MINDY3: variants seen among roughly 807,000 people sequenced by gnomAD.
MINDY3 encodes the protein ubiquitin carboxyl-terminal hydrolase MINDY-3.
A neutral mutation model predicts 69.2 loss-of-function variants in MINDY3; 38 were observed. The ratio of observed to expected loss-of-function variants is 0.55; its 90% CI spans 0.42 to 0.72. The LOEUF is 0.72. Ranked by LOEUF, MINDY3 falls within the 30% of genes least tolerant of loss-of-function variation. MINDY3 has a pLI of 0.00. For synonymous variants in MINDY3, 192 were observed against 180.1 expected (o/e 1.07, Z -0.53); for missense variants, 522 against 519.0 (o/e 1.01, Z -0.06).
At chr10:15,786,450 A>G (rs1242330182) in intron 13 of MINDY3, 111 bp downstream of exon 13, 6 of 707,284 alleles carry the variant, frequency 8.5e-6, no homozygotes, top group Non-Finnish European at 1.5e-5. Context: ...GTGTTTTCTC[A>G]GTCTCATATC....
intron 13 of MINDY3, among the ~76,000 whole-genome samples, chr10:15,784,903 C>T (rs138294411): frequency 9.2e-5 from 14 of 151,904 alleles, no homozygotes; most frequent in African/African-American, 3.4e-4. Flanking sequence ...TCTATGACAC[C>T]GAGGGCGTCT....
chr10:15,788,188 T>C (rs1006000829), intron 12 of MINDY3, among the ~76,000 whole-genome samples: 2 of 152,142 alleles, frequency 1.3e-5, no homozygotes, highest in African/African-American at 4.8e-5. Context: ...TGGTCTCTAC[T>C]TGGAAATAAA....
chr10:15,796,428 A>G (rs892760096), intron 10 of MINDY3, among the ~76,000 whole-genome samples: 25 of 151,834 alleles, frequency 1.6e-4, no homozygotes, highest in African/African-American at 5.8e-4. Context: ...TACTTAAAAC[A>G]CTGGGGAAAA....
intron 2 of MINDY3, among the ~76,000 whole-genome samples, chr10:15,846,976 G>C (rs1171970739): frequency 1.3e-5 from 2 of 152,086 alleles, no homozygotes; most frequent in Non-Finnish European, 2.9e-5. Flanking sequence ...ACCCACCTTG[G>C]CCTCCCAAAG....
chr10:15,800,702 T>A (rs116957342), intron 10 of MINDY3, among the ~76,000 whole-genome samples: 30 of 152,102 alleles, frequency 2.0e-4, no homozygotes, highest in Non-Finnish European at 3.5e-4. Context: ...ATATGCACCA[T>A]GGATTGAGGT....
chr10:15,781,401 T>TTTTA (rs1554797738), intron 14 of MINDY3, among the ~76,000 whole-genome samples: 17 of 145,758 alleles, frequency 1.2e-4, no homozygotes, highest in African/African-American at 4.2e-4. Flanking sequence ...TACATATATA[T>TTTTA]TATATATATA....
intron 10 of MINDY3, among the ~76,000 whole-genome samples, chr10:15,796,536 A>AT (rs983696743): frequency 4.0e-5 from 6 of 151,632 alleles, no homozygotes; most frequent in South Asian, 4.2e-4. Context: ...TTTTTTCCAC[A>AT]TTTTTTTGTT....
At chr10:15,799,575 A>G (rs570457092) in intron 10 of MINDY3, among the ~76,000 whole-genome samples, 59 of 152,282 alleles carry the variant, frequency 3.9e-4, no homozygotes, top group South Asian at 3.7e-3. Context: ...CAGATTTTAC[A>G]AAGAATATAT....
At chr10:15,803,536 T>C (rs942742292) in intron 10 of MINDY3, among the ~76,000 whole-genome samples, 1 of 152,096 alleles carries the variant, frequency 6.6e-6, no homozygotes, top group Non-Finnish European at 1.5e-5. Context: ...AAGAGGAGGA[T>C]TCTACCCTCA....
chr10:15,837,735 T>G, intron 5 of MINDY3: 1 of 1,051,546 alleles, frequency 9.5e-7, no homozygotes. Context: ...ATTTGCGGCT[T>G]CTTTTAAAAG....
At chr10:15,791,526 T>C (rs778944765) in intron 11 of MINDY3, among the ~76,000 whole-genome samples, 1 of 151,746 alleles carries the variant, frequency 6.6e-6, no homozygotes, top group Non-Finnish European at 1.5e-5. Flanking sequence ...CACAAAAGAA[T>C]GGGGACTATG....
intron 11 of MINDY3, among the ~76,000 whole-genome samples, chr10:15,789,817 TTGG>T (rs1254924954): frequency 6.6e-6 from 1 of 151,978 alleles, no homozygotes; most frequent in Non-Finnish European, 1.5e-5. Context: ...TAAAACAGAC[TTGG>T]TGATTTAAAT....
intron 4 of MINDY3, 147 bp from the exon 5 acceptor site, chr10:15,838,426 A>G: frequency 1.9e-6 from 1 of 538,340 alleles, no homozygotes. Flanking sequence ...CAACTTCATT[A>G]TAACATGAAT....
At chr10:15,852,412 G>A (rs780092961) in intron 1 of MINDY3, among the ~76,000 whole-genome samples, 4 of 152,110 alleles carry the variant, frequency 2.6e-5, no homozygotes, top group African/African-American at 9.7e-5. Context: ...TAGGATTAGA[G>A]GCAGCAATTT....
At position 15,796,167 on chromosome 10, in the gene MINDY3, C is replaced by T. The variant is rs1329598670; in HGVS notation, c.888G>A (p.Met296Ile). ...THLTVFFAKD[M>I]ALVAPEAPSE... ...AAGGAGCTTCAGGGGCAACTAAAGCCATATCCTGAAAAGATAAGAAGCATG... is the reference window on the plus strand; with the variant it reads ...AAGGAGCTTCAGGGGCAACTAAAGCTATATCCTGAAAAGATAAGAAGCATG... Residue 296 changes from methionine to isoleucine, a missense_variant, in exon 11 of 15, where the codon ATG (methionine) becomes ATA (isoleucine). Transcript: ENST00000277632. 6.2e-7 allele frequency: 1 copy of T among 1,612,134 alleles called. No individual in the cohort carries two copies. The highest frequency in any genetic ancestry group is 8.5e-7 in the Non-Finnish European group (1 of 1,178,774).
In MINDY3 at chr10:15,822,824, C is replaced by T. The variant is rs931931065; in HGVS notation, c.731-1098G>A. ...TGGGTAAGTCAGAACAGACACAACG[C>T]AGGGAATAAAAATGTGATAATAATA... is the stretch of plus-strand genomic sequence containing the variant. On this transcript the variant is annotated intron_variant, in intron 8 of 14. Transcript: ENST00000277632. 2.0e-5 allele frequency among the ~76,000 whole-genome samples: 3 copies of T among 152,130 alleles called. No homozygotes were observed. In the South Asian group the frequency reaches 6.2e-4, roughly 32 times the overall value.
At chr10:15,802,027 T>C (rs528503219) in intron 10 of MINDY3, among the ~76,000 whole-genome samples, 23 of 150,316 alleles carry the variant, frequency 1.5e-4, no homozygotes, top group African/African-American at 5.4e-4. Context: ...TTTTAACATA[T>C]TCTTTTCTCC....
chr10:15,781,889 G>A lies in MINDY3; in HGVS notation c.1188+266C>T, dbSNP rs1019940306. 8.5e-5 allele frequency among the ~76,000 whole-genome samples: 13 copies of A among 152,222 alleles called. No individual in the cohort carries two copies. In the East Asian group the frequency reaches 1.3e-3, roughly 16 times the overall value. ...AACTACGATGTTGATTTAGAAACAC[G>A]CTACACTGCCAAGGGTAACGATCTG... On this transcript the variant is annotated intron_variant, in intron 14 of 14. Coordinates refer to ENST00000277632, the MANE Select transcript of MINDY3 (RefSeq NM_024948.4).
At chr10:15,845,295 A>G (rs11253660) in intron 2 of MINDY3, among the ~76,000 whole-genome samples, 20,885 of 151,938 alleles carry the variant, frequency 0.14, 3,447 homozygotes, top group African/African-American at 0.4. Flanking sequence ...GTAAATTGTG[A>G]CAGGTAATGA....
Sources: allele counts gnomAD v4.1 joint callset (sites outside exome capture counted in the v4.1 genomes callset), GRCh38; gene constraint gnomAD v4.1.1; transcripts MANE v1.5; gene names NCBI Gene and HGNC (gene_info 2026-07-23, HGNC 2026-07-21).